The following UGT2B4 variants were observed in gnomAD, a reference collection of about 807,000 sequenced individuals.
UGT2B4 encodes the protein UDP glucuronosyltransferase family 2 member B4, also known as UDP-glucuronosyltransferase 2B4.
A neutral mutation model predicts 49.8 loss-of-function variants in UGT2B4; 49 were observed. That is an observed-to-expected ratio of 0.98 (90% CI 0.78 to 1.25). UGT2B4 has a LOEUF of 1.25. UGT2B4 is among the 50% of genes most tolerant of loss of function. UGT2B4 has a pLI of 0.00. For missense variants in UGT2B4, 729 were observed against 627.7 expected, an observed-to-expected ratio of 1.16 and a Z score of -1.73; for synonymous variants, 246 against 217.7, an observed-to-expected ratio of 1.13 and a Z score of -1.14.
intron 1 of UGT2B4, among the ~76,000 whole-genome samples, chr4:69,525,292 T>C (rs2109837230): frequency 6.6e-6 from 1 of 152,244 alleles, no homozygotes. Context: ...GGGCTGGGGC[T>C]TGTCTTGATA....
At chr4:69,491,835 T>C (rs1397954040) in intron 2 of UGT2B4, among the ~76,000 whole-genome samples, 2 of 152,082 alleles carry the variant, frequency 1.3e-5, no homozygotes, top group Non-Finnish European at 2.9e-5. Context: ...TTTTGTCTCT[T>C]TAGAAAGTTA....
intron 1 of UGT2B4, among the ~76,000 whole-genome samples, chr4:69,520,298 A>G (rs1470543346): frequency 6.6e-6 from 1 of 152,278 alleles, no homozygotes; most frequent in African/African-American, 2.4e-5. Context: ...ACTATTGATG[A>G]CAGCTCTCAG....
intron 1 of UGT2B4, 120 bp from the exon 2 acceptor site, chr4:69,493,961 A>G (rs1465794030): frequency 9.0e-7 from 1 of 1,113,304 alleles, no homozygotes. Flanking sequence ...GCCTTGAAAA[A>G]AAATACATAT....
intron 1 of UGT2B4, among the ~76,000 whole-genome samples, chr4:69,523,347 T>C (rs1452840820): frequency 1.3e-5 from 2 of 152,116 alleles, no homozygotes; most frequent in Non-Finnish European, 2.9e-5. Context: ...GTCAAAATTA[T>C]ACCTTGATCC....
chr4:69,502,561 G>A (rs1422651905), intron 1 of UGT2B4, among the ~76,000 whole-genome samples: 2 of 152,122 alleles, frequency 1.3e-5, no homozygotes, highest in Admixed American at 6.5e-5. Context: ...GCATACTGCA[G>A]CAGCCCTACA....
Position 69,495,344 on chromosome 4 carries a change from C to T in UGT2B4, c.518G>A (p.Arg173His), listed in dbSNP as rs368455200. 222 of 1,613,134 alleles carry T rather than the reference C, an allele frequency of 1.4e-4. No individual in the cohort carries two copies. The highest frequency in any genetic ancestry group is 9.5e-4 in the South Asian group (86 of 90,910). Reference sequence around the variant, plus strand: ...TTCAATTGCGTAGCCAGGAGAGAAGCGGAGGCTGTAGACAAAGGGTATTTT... The same window carrying T: ...TTCAATTGCGTAGCCAGGAGAGAAGTGGAGGCTGTAGACAAAGGGTATTTT... ...LLKIPFVYSL[R>H]FSPGYAIEKH... Residue 173 changes from arginine (R) to histidine (H), a missense_variant, in exon 1 of 6, where the codon CGC becomes CAC. By Grantham distance (29) the Arg-to-His change is conservative. Transcript: ENST00000305107.
At chr4:69,486,103 G>C (rs1345292402) in intron 4 of UGT2B4, among the ~76,000 whole-genome samples, 2 of 152,076 alleles carry the variant, frequency 1.3e-5, no homozygotes, top group Non-Finnish European at 2.9e-5. Context: ...GTGATATGTA[G>C]GGTGTGCAAG....
At chr4:69,515,202 A>C (rs540774264) in intron 1 of UGT2B4, among the ~76,000 whole-genome samples, 1 of 152,308 alleles carries the variant, frequency 6.6e-6, no homozygotes, top group African/African-American at 2.4e-5. Context: ...TCTTTACCCA[A>C]ATTTAACAGA....
rs777408981 is a variant in UGT2B4 at position 69,489,503 on chromosome 4, A to ACCAT, written c.934_937dup (p.Val313AspfsTer4). 5.1e-5 allele frequency: 82 copies of ACCAT among 1,612,104 alleles called. No individual in the cohort carries two copies. Among genetic ancestry groups the ACCAT allele is most frequent in the Non-Finnish European group, 6.6e-5 (78 of 1,178,740 alleles). On this transcript the variant is annotated frameshift_variant, in exon 3 of 6. Coordinates refer to ENST00000305107, the MANE Select transcript of UGT2B4 (RefSeq NM_021139.3). LOFTEE classifies it high-confidence loss of function. ...GGCCCTTTCTTCTGACGTGTTACTGACCATCGACCCCAGAGAAAACACCAC... is the reference window on the plus strand; with the variant it reads ...GGCCCTTTCTTCTGACGTGTTACTGACCATCCATCGACCCCAGAGAAAACACCAC...
At chr4:69,503,584 C>T (rs1309028644) in intron 1 of UGT2B4, among the ~76,000 whole-genome samples, 2 of 152,166 alleles carry the variant, frequency 1.3e-5, no homozygotes, top group Admixed American at 6.5e-5. Context: ...CCCTGCCAGT[C>T]CCCCACCCTT....
intron 1 of UGT2B4, among the ~76,000 whole-genome samples, chr4:69,503,457 G>C (rs536403732): frequency 2.2e-4 from 33 of 152,278 alleles, no homozygotes; most frequent in Admixed American, 1.2e-3. Flanking sequence ...AGTGAGTTTA[G>C]CTTTACTTGC....
At chr4:69,491,073 C>T (rs1727971245) in intron 2 of UGT2B4, among the ~76,000 whole-genome samples, 1 of 152,006 alleles carries the variant, frequency 6.6e-6, no homozygotes, top group African/African-American at 2.4e-5. Context: ...AGAGATGTCA[C>T]CTTGTAAACT....
In UGT2B4 at chr4:69,495,732, C is replaced by G; in HGVS notation, c.130G>C (p.Asp44His). Residue 44 changes from aspartate (D) to histidine (H), a missense_variant, in exon 1 of 6, where the codon GAT (aspartate) becomes CAT (histidine). By Grantham distance (81) the Asp-to-His change is moderately conservative (BLOSUM62 -1). Transcript: ENST00000305107. ...SHWMNIKTIL[D>H]ELVQRGHEVT... is the part of the protein sequence containing the mutation. ...TCATGACCTCTCTGGACAAGTTCAT[C>G]CAGGATTGTCTTTATATTCATCCAG... 1 of 1,614,032 alleles carries G rather than the reference C, an allele frequency of 6.2e-7. No individual in the cohort carries two copies. The highest frequency in any genetic ancestry group is 8.5e-7 in the Non-Finnish European group (1 of 1,179,954).
Position 69,495,219 on chromosome 4 carries a change from T to A in UGT2B4, c.643A>T (p.Ile215Phe), listed in dbSNP as rs1429711227. 7 of 1,607,512 alleles carry A rather than the reference T, an allele frequency of 4.4e-6. No individual in the cohort carries two copies. The Admixed American group carries it at 6.9e-5, about 16-fold the overall frequency. Residue 215 changes from isoleucine (I) to phenylalanine (F), a missense_variant, in exon 1 of 6, where the codon ATC (isoleucine) becomes TTC (phenylalanine). By Grantham distance (21) the Ile-to-Phe change is conservative. Coordinates refer to ENST00000305107, the MANE Select transcript of UGT2B4 (RefSeq NM_021139.3). ...CAAAATTCAAAATAAAGCACATAGA[T>A]CATATTTTTTACCCTCTCTATGAAA... ...MTFIERVKNM[I>F]YVLYFEFWFQ...
chr4:69,491,615 G>C (rs1727988924), intron 2 of UGT2B4, among the ~76,000 whole-genome samples: 1 of 152,080 alleles, frequency 6.6e-6, no homozygotes, highest in Non-Finnish European at 1.5e-5. Context: ...CACAACCATT[G>C]ACTTGCATTC....
intron 1 of UGT2B4, among the ~76,000 whole-genome samples, chr4:69,504,760 G>T (rs1728428014): frequency 6.6e-6 from 1 of 151,948 alleles, no homozygotes; most frequent in Non-Finnish European, 1.5e-5. Context: ...ACCCCAGTAA[G>T]ATACTCCATG....
At chr4:69,511,977 T>A (rs1728614962) in intron 1 of UGT2B4, among the ~76,000 whole-genome samples, 1 of 152,056 alleles carries the variant, frequency 6.6e-6, no homozygotes, top group Non-Finnish European at 1.5e-5. Flanking sequence ...TATAATCTTT[T>A]CTATTCTGAG....
At position 69,489,575 on chromosome 4, in the gene UGT2B4, G is replaced by A; in HGVS notation, c.871-5C>T. ...CTGGACAAACTCTTCCATTTCCTGT[G>A]AAAAAAAAGAATTTGTTCTATCATA... On this transcript the variant is annotated splice_polypyrimidine_tract_variant and splice_region_variant and intron_variant, in intron 2 of 5. Transcript: ENST00000305107. 6.3e-7 allele frequency: 1 copy of A among 1,595,118 alleles called. No homozygotes were observed. The highest frequency in any genetic ancestry group is 8.5e-7 in the Non-Finnish European group (1 of 1,173,228).
upstream of UGT2B4, among the ~76,000 whole-genome samples, chr4:69,498,131 A>C (rs181537702): frequency 1.1e-3 from 170 of 152,354 alleles, no homozygotes; most frequent in African/African-American, 4.0e-3. Context: ...AATAGACTGC[A>C]GCATTGTGTA....
Sources: gnomAD v4.1 joint callset for allele counts (sites outside exome capture counted in the v4.1 genomes callset) on GRCh38, gnomAD v4.1.1 for gene constraint, MANE v1.5 for transcripts, NCBI Gene and HGNC (gene_info 2026-07-23, HGNC 2026-07-21) for gene names.